Variants in DTNB observed in about 807,000 individuals in gnomAD.
DTNB encodes the protein dystrobrevin beta.
In DTNB, 63 loss-of-function variants were observed where a neutral mutation model predicts 90.7. The observed-to-expected ratio is 0.69, with a 90% CI of 0.57 to 0.86. The LOEUF (loss-of-function observed/expected upper bound fraction) is 0.86. DTNB is among the 40% of genes least tolerant of loss of function. The pLI, the probability that DTNB is intolerant of heterozygous loss-of-function variation, is 0.00. For missense variants in DTNB, 744 were observed against 807.1 expected (o/e 0.92, Z 0.95); for synonymous variants, 277 against 286.7 (o/e 0.97, Z 0.34).
chr2:25,486,454 G>A (rs886554676), intron 9 of DTNB, among the ~76,000 whole-genome samples: 1 of 152,034 alleles, frequency 6.6e-6, no homozygotes, highest in Non-Finnish European at 1.5e-5. Context: ...TGACAAGTGA[G>A]ATCCTGTCTC....
At chr2:25,668,142 G>A (rs1259927314) in intron 1 of DTNB, among the ~76,000 whole-genome samples, 1 of 152,176 alleles carries the variant, frequency 6.6e-6, no homozygotes, top group African/African-American at 2.4e-5. Context: ...GGGAGGCTGA[G>A]GCAGGAGAAT....
At chr2:25,655,861 A>C (rs2081974123) in intron 1 of DTNB, among the ~76,000 whole-genome samples, 1 of 152,048 alleles carries the variant, frequency 6.6e-6, no homozygotes, top group African/African-American at 2.4e-5. Context: ...TAGATCTACC[A>C]CCTCCTGAAA....
chr2:25,531,530 G>C lies in DTNB; in HGVS notation c.944C>G (p.Pro315Arg), dbSNP rs541513266. Reference sequence around the variant, plus strand: ...TTGCTCAGGAAAAACAGGATGCGGGGGTTCTCTCGTGGGTACACACCCCAA... The same window carrying C: ...TTGCTCAGGAAAAACAGGATGCGGGCGTTCTCTCGTGGGTACACACCCCAA... ...KSLGCVPTRE[P>R]PHPVFPEQPE... is the part of the protein sequence containing the mutation. Residue 315 changes from proline (P) to arginine (R), a missense_variant, in exon 9 of 21, where the codon CCC becomes CGC. Transcript: ENST00000406818. 1.4e-5 allele frequency: 23 copies of C among 1,613,832 alleles called. No individual in the cohort carries two copies. The African/African-American group carries it at 1.6e-4, about 11-fold the overall frequency.
chr2:25,472,459 T>G (rs745393798), intron 10 of DTNB, among the ~76,000 whole-genome samples: 2 of 152,248 alleles, frequency 1.3e-5, no homozygotes, highest in Admixed American at 6.5e-5. Flanking sequence ...GAGGTAGGGC[T>G]GGAAGGGCTG....
chr2:25,557,385 A>G (rs1572552642), intron 8 of DTNB, among the ~76,000 whole-genome samples: 1 of 152,204 alleles, frequency 6.6e-6, no homozygotes, highest in African/African-American at 2.4e-5. Flanking sequence ...GTATCGCTAC[A>G]CCGGACACAT....
chr2:25,514,882 C>T (rs2074751771), intron 9 of DTNB, among the ~76,000 whole-genome samples: 1 of 152,070 alleles, frequency 6.6e-6, no homozygotes, highest in African/African-American at 2.4e-5. Context: ...GAGGTTTCAC[C>T]GTGTTGGCCA....
intron 1 of DTNB, among the ~76,000 whole-genome samples, chr2:25,664,046 T>C (rs1315814007): frequency 6.6e-6 from 1 of 152,224 alleles, no homozygotes; most frequent in Non-Finnish European, 1.5e-5. Context: ...ATTTAGTTTT[T>C]AAATATCTCA....
At chr2:25,397,668 TGA>T (rs1369336254) in intron 16 of DTNB, among the ~76,000 whole-genome samples, 4 of 151,208 alleles carry the variant, frequency 2.6e-5, no homozygotes. Flanking sequence ...TCACCTAAGG[TGA>T]GGAGTTTGAG....
intron 9 of DTNB, among the ~76,000 whole-genome samples, chr2:25,504,386 G>A (rs1454650747): frequency 2.2e-5 from 3 of 134,384 alleles, no homozygotes; most frequent in Non-Finnish European, 1.6e-5. Flanking sequence ...AAAGAAAGAA[G>A]GAAAGAAGGA....
At chr2:25,599,008 C>T (rs989798775) in intron 5 of DTNB, 3 of 151,826 alleles carry the variant, frequency 2.0e-5, no homozygotes, top group Non-Finnish European at 4.4e-5. Flanking sequence ...GGCAATTAGA[C>T]TGTTAATGAC....
At chr2:25,670,182 G>A (rs979994833) in intron 1 of DTNB, among the ~76,000 whole-genome samples, 2 of 152,132 alleles carry the variant, frequency 1.3e-5, no homozygotes, top group Non-Finnish European at 2.9e-5. Flanking sequence ...CATTCTGTTA[G>A]GGGAAAAAAC....
At chr2:25,531,713 A>T (rs1376570617) in intron 8 of DTNB, 116 bp from the exon 9 acceptor site, 2 of 1,368,642 alleles carry the variant, frequency 1.5e-6, no homozygotes, top group African/African-American at 2.9e-5. Flanking sequence ...ATACAAATCA[A>T]GTTTCATTAC....
intron 6 of DTNB, among the ~76,000 whole-genome samples, chr2:25,589,219 G>C (rs1033328227): frequency 2.0e-5 from 3 of 152,076 alleles, no homozygotes; most frequent in African/African-American, 4.8e-5. Flanking sequence ...CTGCCTCCGT[G>C]AATCAAGGGA....
At chr2:25,565,560 T>C (rs956680721) in intron 8 of DTNB, among the ~76,000 whole-genome samples, 2 of 152,244 alleles carry the variant, frequency 1.3e-5, no homozygotes, top group Admixed American at 6.5e-5. Flanking sequence ...GGGTTTTTCA[T>C]AGATGTCCTT....
At chr2:25,390,693 C>T (rs578130121) in intron 16 of DTNB, among the ~76,000 whole-genome samples, 51 of 152,030 alleles carry the variant, frequency 3.4e-4, no homozygotes, top group African/African-American at 1.1e-3. Context: ...GTGATCCACC[C>T]GCCTCGGCCT....
intron 6 of DTNB, among the ~76,000 whole-genome samples, chr2:25,589,362 CTTTTCTTTT>C (rs2063072311): frequency 1.6e-5 from 1 of 61,514 alleles, no homozygotes; most frequent in South Asian, 5.4e-4. Context: ...GTTTCTTTTT[CTTTTCTTTT>C]TTTTTTTTTT....
At chr2:25,623,703 T>C (rs1022737065) in intron 4 of DTNB, among the ~76,000 whole-genome samples, 21 of 152,200 alleles carry the variant, frequency 1.4e-4, no homozygotes, top group African/African-American at 5.1e-4. Flanking sequence ...ATATAATGTT[T>C]GGTATATAAT....
At chr2:25,570,409 A>AAAAC (rs2059681863) in intron 8 of DTNB, among the ~76,000 whole-genome samples, 1 of 72,154 alleles carries the variant, frequency 1.4e-5, no homozygotes, top group African/African-American at 4.0e-5. Flanking sequence ...CCTGTCTCAA[A>AAAAC]AAAAAAAAAA....
At chr2:25,530,592 T>C (rs1443570029) in intron 9 of DTNB, among the ~76,000 whole-genome samples, 2 of 152,212 alleles carry the variant, frequency 1.3e-5, no homozygotes, top group African/African-American at 2.4e-5. Flanking sequence ...TAAGCTCTTA[T>C]GGATGAATGA....
Sources: allele counts gnomAD v4.1 joint callset (sites outside exome capture counted in the v4.1 genomes callset), GRCh38; gene constraint gnomAD v4.1.1; transcripts MANE v1.5; gene names NCBI Gene and HGNC (gene_info 2026-07-23, HGNC 2026-07-21).